PDE4D: variants seen among roughly 807,000 people sequenced by gnomAD.
The protein encoded by PDE4D is phosphodiesterase 4D, also known as 3',5'-cyclic-AMP phosphodiesterase 4D.
In PDE4D, 24 loss-of-function variants were observed where a neutral mutation model predicts 87.4. The ratio of observed to expected loss-of-function variants is 0.27; its 90% confidence interval spans 0.20 to 0.39. The LOEUF is 0.39. PDE4D is among the 10% of genes least tolerant of loss of function. The pLI is 1.00. For synonymous variants in PDE4D, 384 were observed against 383.2 expected, an observed-to-expected ratio of 1.00 and a Z score of -0.02; for missense variants, 714 against 1,041.0, an observed-to-expected ratio of 0.69 and a Z score of 4.32.
intron 6 of PDE4D, among the ~76,000 whole-genome samples, chr5:58,996,359 A>G (rs917143570): frequency 2.6e-5 from 4 of 152,224 alleles, no homozygotes; most frequent in African/African-American, 9.6e-5. Flanking sequence ...TATTCCAAAG[A>G]AAAGAGTCTG....
At chr5:59,008,126 G>A (rs1752008179) in intron 6 of PDE4D, among the ~76,000 whole-genome samples, 1 of 151,956 alleles carries the variant, frequency 6.6e-6, no homozygotes, top group South Asian at 2.1e-4. Flanking sequence ...ACAGACTTTT[G>A]TTTCACTGAA....
chr5:60,229,504 C>A (rs1745553593), intron 1 of PDE4D, among the ~76,000 whole-genome samples: 1 of 152,040 alleles, frequency 6.6e-6, no homozygotes, highest in Non-Finnish European at 1.5e-5. Context: ...ATATTTAAAT[C>A]TTGAACTAGT....
chr5:59,360,097 C>T (rs1781974371), intron 1 of PDE4D, among the ~76,000 whole-genome samples: 2 of 152,068 alleles, frequency 1.3e-5, no homozygotes, highest in Non-Finnish European at 2.9e-5. Context: ...ATTTGGGTTT[C>T]GGTGTCTGAC....
At chr5:60,116,413 C>G (rs1778177454) in intron 2 of PDE4D, among the ~76,000 whole-genome samples, 1 of 152,026 alleles carries the variant, frequency 6.6e-6, no homozygotes. Flanking sequence ...CTGACACCCC[C>G]CATTGCCATA....
At chr5:60,291,587 T>C (rs1232464512) in intron 1 of PDE4D, among the ~76,000 whole-genome samples, 2 of 151,912 alleles carry the variant, frequency 1.3e-5, no homozygotes, top group African/African-American at 4.8e-5. Context: ...CTAAAAACCC[T>C]AAAAGACAAA....
Position 58,990,817 on chromosome 5 carries a change from T to A in PDE4D, c.1274A>T (p.His425Leu). 1 of 1,580,468 alleles carries A rather than the reference T, an allele frequency of 6.3e-7. No homozygotes were observed. The highest frequency in any genetic ancestry group is 8.6e-7 in the Non-Finnish European group (1 of 1,156,168). The change falls in exon 9 of 15, where the codon CAC (histidine) becomes CTC (leucine). Residue 425 changes from histidine (H) to leucine (L), a missense_variant. By Grantham distance (99) the His-to-Leu change is moderately conservative. This residue lies in a region of PDE4D where 141 missense variants were observed against 204.3 expected (regional missense o/e 0.69). Transcript: ENST00000340635. ...CAACCACCTTACCTGAAAAATGGTG[T>A]GCATGATAACAGTCAAGGGCCGGTT... ...SGNRPLTVIM[H>L]TIFQERDLLK... is the part of the protein sequence containing the mutation.
chr5:59,529,920 G>T (rs1278258637), intron 1 of PDE4D, among the ~76,000 whole-genome samples: 1 of 152,144 alleles, frequency 6.6e-6, no homozygotes, highest in African/African-American at 2.4e-5. Context: ...GCAATACTTG[G>T]TGTGTTTCCT....
chr5:60,080,471 G>A (rs1258160091), intron 2 of PDE4D, among the ~76,000 whole-genome samples: 1 of 152,150 alleles, frequency 6.6e-6, no homozygotes, highest in Non-Finnish European at 1.5e-5. Flanking sequence ...TTTTCAAATG[G>A]AATGCTTCCA....
chr5:59,728,635 A>T (rs1042805127), intron 1 of PDE4D, among the ~76,000 whole-genome samples: 4 of 152,108 alleles, frequency 2.6e-5, no homozygotes, highest in African/African-American at 9.7e-5. Flanking sequence ...ATTATTCATG[A>T]TTTTAAATTA....
intron 1 of PDE4D, among the ~76,000 whole-genome samples, chr5:60,365,814 C>T (rs1159841207): frequency 6.6e-6 from 1 of 151,976 alleles, no homozygotes; most frequent in East Asian, 1.9e-4. Flanking sequence ...GAGGCTGAGG[C>T]GGGTGGGTTA....
intron 3 of PDE4D, among the ~76,000 whole-genome samples, chr5:59,940,914 TC>T (rs112715489): frequency 0.06 from 9,134 of 152,196 alleles, 918 homozygotes; most frequent in African/African-American, 0.21. Flanking sequence ...AACATCTGGG[TC>T]CCTCTCACCC....
At chr5:59,677,298 C>T (rs547725776) in intron 1 of PDE4D, among the ~76,000 whole-genome samples, 33 of 152,064 alleles carry the variant, frequency 2.2e-4, no homozygotes, top group Non-Finnish European at 4.1e-4. Flanking sequence ...AATTTATACG[C>T]CATCCATATA....
chr5:59,657,841 T>C (rs1183421854), intron 1 of PDE4D, among the ~76,000 whole-genome samples: 2 of 152,220 alleles, frequency 1.3e-5, no homozygotes, highest in African/African-American at 4.8e-5. Context: ...AGGCTTTTTC[T>C]GAATCACACT....
chr5:59,759,652 C>T (rs934536120), intron 1 of PDE4D, among the ~76,000 whole-genome samples: 1 of 152,140 alleles, frequency 6.6e-6, no homozygotes, highest in African/African-American at 2.4e-5. Flanking sequence ...CAACTTGCAG[C>T]GCCTCCACCT....
chr5:59,104,232 T>C (rs1002992899), intron 5 of PDE4D, among the ~76,000 whole-genome samples: 2 of 152,240 alleles, frequency 1.3e-5, no homozygotes, highest in Non-Finnish European at 2.9e-5. Context: ...CCAGATAGTA[T>C]GCTGGGTGCT....
chr5:59,686,491 T>C (rs1206279103), intron 1 of PDE4D, among the ~76,000 whole-genome samples: 2 of 152,094 alleles, frequency 1.3e-5, no homozygotes, highest in African/African-American at 4.8e-5. Flanking sequence ...CACTGGGAAA[T>C]AAAGATATAT....
intron 3 of PDE4D, among the ~76,000 whole-genome samples, chr5:59,953,832 A>T (rs1316556070): frequency 6.6e-6 from 1 of 152,258 alleles, no homozygotes; most frequent in Non-Finnish European, 1.5e-5. Flanking sequence ...TAGTAAAAAG[A>T]CTTAGTAAAG....
At chr5:59,622,696 A>C (rs561078482) in intron 1 of PDE4D, among the ~76,000 whole-genome samples, 1 of 152,298 alleles carries the variant, frequency 6.6e-6, no homozygotes, top group East Asian at 1.9e-4. Flanking sequence ...CTGGGAGACT[A>C]TTTTAGAATG....
At chr5:59,960,000 G>GA (rs1759288559) in intron 3 of PDE4D, among the ~76,000 whole-genome samples, 2 of 151,590 alleles carry the variant, frequency 1.3e-5, no homozygotes, top group South Asian at 2.1e-4. Context: ...AAATCAATAA[G>GA]AAAAAAACCA....
Sources: allele counts gnomAD v4.1 joint callset (sites outside exome capture counted in the v4.1 genomes callset), GRCh38; gene constraint gnomAD v4.1.1; regional missense constraint gnomAD v4.1.1; transcripts MANE v1.5; gene names NCBI Gene and HGNC (gene_info 2026-07-23, HGNC 2026-07-21).